Variants in PTPRN2 observed in about 807,000 individuals in gnomAD.
PTPRN2 encodes protein tyrosine phosphatase receptor type N2.
A neutral mutation model predicts 118.8 loss-of-function variants in PTPRN2; 74 were observed. That is an observed-to-expected ratio of 0.62 (90% CI 0.52 to 0.76). The LOEUF is 0.76. PTPRN2 is among the 30% of genes least tolerant of loss of function. The pLI, the probability that PTPRN2 is intolerant of heterozygous loss-of-function variation, is 0.00. For missense variants in PTPRN2, 1,481 were observed against 1,394.4 expected, an observed-to-expected ratio of 1.06 and a Z score of -0.99; for synonymous variants, 641 against 608.0, an observed-to-expected ratio of 1.05 and a Z score of -0.80.
chr7:157,731,256 G>A (rs1168349783), intron 12 of PTPRN2, among the ~76,000 whole-genome samples: 2 of 152,162 alleles, frequency 1.3e-5, no homozygotes, highest in Non-Finnish European at 2.9e-5. Flanking sequence ...AGGTAATCGA[G>A]GTGCCTTCCT....
intron 1 of PTPRN2, among the ~76,000 whole-genome samples, chr7:158,511,945 G>T (rs1823208607): frequency 6.6e-6 from 1 of 152,078 alleles, no homozygotes; most frequent in African/African-American, 2.4e-5. Context: ...GGGCAGTGAG[G>T]CTATTTCTAT....
intron 14 of PTPRN2, among the ~76,000 whole-genome samples, chr7:157,641,477 T>A (rs925562198): frequency 2.8e-4 from 43 of 152,170 alleles, no homozygotes; most frequent in African/African-American, 9.2e-4. Flanking sequence ...GTTAGGAGAT[T>A]TTCCCACAGT....
intron 3 of PTPRN2, among the ~76,000 whole-genome samples, chr7:158,297,306 G>A (rs1337769291): frequency 6.6e-6 from 1 of 152,204 alleles, no homozygotes; most frequent in African/African-American, 2.4e-5. Flanking sequence ...AACAATCTGG[G>A]AACCTATTCT....
chr7:158,063,334 A>G (rs1026196985), intron 11 of PTPRN2, among the ~76,000 whole-genome samples: 8 of 152,222 alleles, frequency 5.3e-5, no homozygotes, highest in African/African-American at 1.4e-4. Flanking sequence ...TAAATACACC[A>G]ATCAGCACTC....
chr7:157,707,517 G>C (rs537561772), intron 12 of PTPRN2, among the ~76,000 whole-genome samples: 1 of 152,198 alleles, frequency 6.6e-6, no homozygotes, highest in African/African-American at 2.4e-5. Context: ...TAGTTTAAAA[G>C]CTTCAGGGAA....
intron 10 of PTPRN2, among the ~76,000 whole-genome samples, chr7:158,105,385 C>T (rs1485643524): frequency 2.0e-5 from 3 of 151,850 alleles, no homozygotes; most frequent in Non-Finnish European, 4.4e-5. Flanking sequence ...CTAGCTCCAT[C>T]CCAACTGTGC....
chr7:158,146,304 T>A (rs191205742), intron 6 of PTPRN2, among the ~76,000 whole-genome samples: 101 of 152,286 alleles, frequency 6.6e-4, no homozygotes, highest in Middle Eastern at 3.4e-3. Flanking sequence ...TAAAAAAATA[T>A]GAACCTCTCA....
chr7:158,276,903 T>G (rs1034588030), intron 3 of PTPRN2, among the ~76,000 whole-genome samples: 1 of 152,114 alleles, frequency 6.6e-6, no homozygotes, highest in Admixed American at 6.5e-5. Flanking sequence ...GGGGGCCATA[T>G]GCTCAGGTGC....
At chr7:158,263,645 G>A (rs1336525316) in intron 3 of PTPRN2, among the ~76,000 whole-genome samples, 1 of 152,170 alleles carries the variant, frequency 6.6e-6, no homozygotes, top group African/African-American at 2.4e-5. Flanking sequence ...CCTCTCCCGG[G>A]CATTCCAGCT....
At position 158,472,585 on chromosome 7, in the gene PTPRN2, G is replaced by T. The variant is rs543104303; in HGVS notation, c.163+17150C>A. 5.4e-4 allele frequency among the ~76,000 whole-genome samples: 82 copies of T among 152,250 alleles called. 1 individual carries two copies. In the South Asian group the frequency reaches 0.016, roughly 30 times the overall value. On this transcript the variant is annotated intron_variant, in intron 2 of 22. Coordinates refer to ENST00000389418, the MANE Select transcript of PTPRN2 (RefSeq NM_002847.5). ...CCCAGGCCTGGAATAGAGAGAGCAG[G>T]TTCCAAAGCAGCCCCAGGCTAAGCT...
At position 158,022,325 on chromosome 7, in the gene PTPRN2, C is replaced by G. The variant is rs78035786; in HGVS notation, c.1723+58973G>C. On this transcript the variant is annotated intron_variant, in intron 11 of 22. Coordinates refer to ENST00000389418, the MANE Select transcript of PTPRN2 (RefSeq NM_002847.5). This position sits in a 1 kb window ranked among gnomAD's most constrained non-coding sequence, Gnocchi z 4.6. ...CCATCCTTCCTGACGGCCTCCACCA[C>G]GAGACTTCAGGTCATCCTTTAATGA... 4.6e-5 allele frequency among the ~76,000 whole-genome samples: 7 copies of G among 152,326 alleles called. No homozygotes were observed. The East Asian group carries it at 1.3e-3, about 29-fold the overall frequency.
chr7:158,513,928 G>C (rs545833511), intron 1 of PTPRN2, among the ~76,000 whole-genome samples: 1 of 152,294 alleles, frequency 6.6e-6, no homozygotes, highest in Admixed American at 6.5e-5. Flanking sequence ...TCAAAGCTCA[G>C]TAAAAGCCAC....
intron 21 of PTPRN2, among the ~76,000 whole-genome samples, chr7:157,553,920 C>A (rs935610855): frequency 6.6e-6 from 1 of 152,090 alleles, no homozygotes; most frequent in Admixed American, 6.5e-5. Context: ...TCAGGCTGGG[C>A]GCCGTATCCT....
At chr7:158,321,226 G>T (rs754302225) in intron 2 of PTPRN2, among the ~76,000 whole-genome samples, 1 of 152,064 alleles carries the variant, frequency 6.6e-6, no homozygotes, top group Non-Finnish European at 1.5e-5. Context: ...AACAATCCCG[G>T]GAAGTGGCAC....
Position 157,539,478 on chromosome 7 carries a change from T to C in PTPRN2, c.*1236A>G, listed in dbSNP as rs221253. 146,464 of 152,328 alleles carry C rather than the reference T, an allele frequency of 0.96. 70,508 individuals are homozygous for C. Among genetic ancestry groups the C allele is most frequent in the Middle Eastern group, 1 (293 of 294 alleles). 9.4% of individuals were successfully genotyped at this position (152,328 alleles called of 1,614,324 possible). ...CTGTGCCGCCTTCCATGTGATCATC[T>C]TGGTCAATGAAGTGAATTGTCCTAT... On this transcript the variant is annotated 3_prime_UTR_variant, in exon 23 of 23. Coordinates refer to ENST00000389418, the MANE Select transcript of PTPRN2 (RefSeq NM_002847.5).
At position 157,548,820 on chromosome 7, in the gene PTPRN2, G is replaced by T. The variant is rs1431897314; in HGVS notation, c.2976+126C>A. 7.1e-6 allele frequency: 7 copies of T among 990,860 alleles called. No homozygotes were observed. In the African/African-American group the frequency reaches 1.1e-4, roughly 16 times the overall value. 61.4% of individuals were successfully genotyped at this position (990,860 alleles called of 1,614,324 possible). The stretch of plus-strand genomic sequence containing the variant: ...ATGCAAGGCCGGCATGGACGAGGCC[G>T]GTCAGAGCAGAGCAATCGGTGTGCG... On this transcript the variant is annotated intron_variant, in intron 22 of 22. Coordinates refer to ENST00000389418, the MANE Select transcript of PTPRN2 (RefSeq NM_002847.5).
In PTPRN2 at chr7:157,713,989, A is replaced by G. The variant is rs866475378; in HGVS notation, c.1789-31052T>C. Among the ~76,000 whole-genome samples, 5 of 152,218 alleles carry G rather than the reference A, an allele frequency of 3.3e-5. 1 individual carries two copies. The highest frequency in any genetic ancestry group is 3.2e-3 in the Middle Eastern group (1 of 316). The stretch of plus-strand genomic sequence containing the variant: ...ATGCATTATCTGCTCCAAGCTTTCA[A>G]TTGAGTGATTATGTCTTAAAAGAAT... On this transcript the variant is annotated intron_variant, in intron 12 of 22. Transcript: ENST00000389418.
chr7:158,445,735 G>A (rs531337811), intron 2 of PTPRN2, among the ~76,000 whole-genome samples: 9 of 152,232 alleles, frequency 5.9e-5, no homozygotes, highest in Non-Finnish European at 1.3e-4. Context: ...GAGACCCTGA[G>A]AGGGCGCTCT....
At chr7:157,833,350 C>T (rs941740549) in intron 12 of PTPRN2, among the ~76,000 whole-genome samples, 1 of 150,024 alleles carries the variant, frequency 6.7e-6, no homozygotes, top group Non-Finnish European at 1.5e-5. Context: ...GGCTGGTGCC[C>T]ATCCATCCCA....
Sources: gnomAD v4.1 joint callset for allele counts (sites outside exome capture counted in the v4.1 genomes callset) on GRCh38, gnomAD v4.1.1 for gene constraint, Gnocchi (gnomAD v3.1) non-coding constraint, MANE v1.5 for transcripts, NCBI Gene and HGNC (gene_info 2026-07-23, HGNC 2026-07-21) for gene names.